The following PCNX4 variants were observed in gnomAD, a reference collection of about 807,000 sequenced individuals.
The protein encoded by PCNX4 is pecanex-like protein 4.
Under a neutral mutation model 107.2 loss-of-function variants are expected in PCNX4, and 103 were observed. The observed-to-expected ratio is 0.96, with a 90% CI of 0.82 to 1.13. The LOEUF (loss-of-function observed/expected upper bound fraction) is 1.13. PCNX4 is among the 50% of genes most tolerant of loss of function. The pLI, the probability that PCNX4 is intolerant of heterozygous loss-of-function variation, is 0.00. For missense variants in PCNX4, 1,528 were observed against 1,379.4 expected, an observed-to-expected ratio of 1.11 and a Z score of -1.71; for synonymous variants, 541 against 481.7, an observed-to-expected ratio of 1.12 and a Z score of -1.61.
intron 6 of PCNX4, among the ~76,000 whole-genome samples, chr14:60,116,709 A>C (rs2140551309): frequency 6.6e-6 from 1 of 152,308 alleles, no homozygotes; most frequent in East Asian, 1.9e-4. Context: ...TTAAAAAAAA[A>C]GTTGACTGTA....
rs1325157629 is a variant in PCNX4, at chr14:60,138,721, G to A, written c.*4500G>A. The A allele has an allele frequency of 6.6e-6, 1 of 151,942 alleles. No homozygotes were observed. Among genetic ancestry groups the A allele is most frequent in the Non-Finnish European group, 1.5e-5 (1 of 67,984 alleles). 9.4% of individuals were successfully genotyped at this position (151,942 alleles called of 1,614,324 possible). A position where few individuals can be genotyped will look rare whatever the true frequency, so the allele number is the denominator to read the frequency against. ...ATTGTCATTAAAGGTGATAGTAAAGGGTATTCTTCAGACAGAAGGAAAAAG... is the reference window on the plus strand; with the variant it reads ...ATTGTCATTAAAGGTGATAGTAAAGAGTATTCTTCAGACAGAAGGAAAAAG... On this transcript the variant is annotated 3_prime_UTR_variant, in exon 11 of 11. Transcript: ENST00000406854.
chr14:60,116,262 A>G (rs1280873357), intron 6 of PCNX4, among the ~76,000 whole-genome samples: 2 of 152,170 alleles, frequency 1.3e-5, no homozygotes, highest in African/African-American at 4.8e-5. Context: ...CCCAGCAGCT[A>G]CTAATCTACT....
intron 1 of PCNX4, among the ~76,000 whole-genome samples, chr14:60,101,385 A>G (rs1257308212): frequency 2.0e-5 from 3 of 152,140 alleles, no homozygotes. Context: ...GGCTTTTTTC[A>G]TCAACAATTT....
chr14:60,147,152 G>C lies in PCNX4; in HGVS notation c.*12931G>C, dbSNP rs1343525629. On this transcript the variant is annotated 3_prime_UTR_variant, in exon 11 of 11. Coordinates refer to ENST00000406854, the MANE Select transcript of PCNX4 (RefSeq NM_001330177.2). ...GGAGGCTGGGGTGGGAGGATTGCTT[G>C]AGCCTGGGAGGTAGAGATGGGAGTG... 2 of 152,166 alleles carry C rather than the reference G, an allele frequency of 1.3e-5. No individual in the cohort carries two copies. Among genetic ancestry groups the C allele is most frequent in the Non-Finnish European group, 2.9e-5 (2 of 68,064 alleles). 9.4% of individuals were successfully genotyped at this position (152,166 alleles called of 1,614,324 possible).
At chr14:60,104,345 A>G (rs1344124770) in intron 1 of PCNX4, among the ~76,000 whole-genome samples, 2 of 150,892 alleles carry the variant, frequency 1.3e-5, no homozygotes, top group African/African-American at 2.4e-5. Flanking sequence ...AAAAAAAAAA[A>G]AAGAGCTAAA....
intron 10 of PCNX4, among the ~76,000 whole-genome samples, chr14:60,128,763 T>C (rs943392771): frequency 6.6e-5 from 10 of 152,226 alleles, no homozygotes; most frequent in Non-Finnish European, 1.3e-4. Flanking sequence ...ATTCATGTAT[T>C]GTTGGGTCTA....
chr14:60,116,832 A>G (rs551121379), intron 6 of PCNX4, among the ~76,000 whole-genome samples: 2 of 152,276 alleles, frequency 1.3e-5, no homozygotes, highest in Admixed American at 1.3e-4. Context: ...GTGGAACAAG[A>G]TGTGAAGGTG....
At position 60,121,180 on chromosome 14, in the gene PCNX4, T is replaced by TTTGTAATTTTTTG; in HGVS notation, c.1943-15_1943-14insTGTAATTTTTTGT. 6.5e-7 allele frequency: 1 copy of TTTGTAATTTTTTG among 1,544,392 alleles called. No individual in the cohort carries two copies. Among genetic ancestry groups the TTTGTAATTTTTTG allele is most frequent in the Non-Finnish European group, 8.7e-7 (1 of 1,153,632 alleles). On this transcript the variant is annotated splice_polypyrimidine_tract_variant and intron_variant, in intron 7 of 10. Transcript: ENST00000406854. ...GATTTTCTTTTTTTTTTTTTTTTTT[T>TTTGTAATTTTTTG]TCTAATTTGTTGTAGGTCTCCTCCT...
chr14:60,136,139 A>G lies in PCNX4; in HGVS notation c.*1918A>G, dbSNP rs1192277890. The G allele has an allele frequency of 1.3e-5, 2 of 151,920 alleles. No homozygotes were observed. Among genetic ancestry groups the G allele is most frequent in the African/African-American group, 4.8e-5 (2 of 41,348 alleles). The allele number at this position is 151,920 out of a possible 1,614,324, so 9.4% of individuals were successfully genotyped here. On this transcript the variant is annotated 3_prime_UTR_variant, in exon 11 of 11. Coordinates refer to ENST00000406854, the MANE Select transcript of PCNX4 (RefSeq NM_001330177.2). ...AAAAAAAGTTTTTATTAAGGTCACT[A>G]TTGACCTTTTTATTGTCAAACCAGC...
intron 1 of PCNX4, among the ~76,000 whole-genome samples, chr14:60,095,247 A>G (rs1895401508): frequency 6.6e-6 from 1 of 152,172 alleles, no homozygotes; most frequent in Non-Finnish European, 1.5e-5. Context: ...GTGAATCTGC[A>G]TTTTTTACAT....
rs1259098725 is a variant in PCNX4 at position 60,138,228 on chromosome 14, A to G, written c.*4007A>G. 1 of 152,196 alleles carries G rather than the reference A, an allele frequency of 6.6e-6. No individual in the cohort carries two copies. Among genetic ancestry groups the G allele is most frequent in the Non-Finnish European group, 1.5e-5 (1 of 68,032 alleles). The allele number at this position is 152,196 out of a possible 1,614,324, so 9.4% of individuals were successfully genotyped here. On this transcript the variant is annotated 3_prime_UTR_variant, in exon 11 of 11. Coordinates refer to ENST00000406854, the MANE Select transcript of PCNX4 (RefSeq NM_001330177.2). ...AAAACTAAGAGACAAAAGAATAGAAAATATAGTAGAGAGTATAAGAGACAT... is the reference window on the plus strand; with the variant it reads ...AAAACTAAGAGACAAAAGAATAGAAGATATAGTAGAGAGTATAAGAGACAT...
In PCNX4 at chr14:60,134,246, C is replaced by G. The variant is rs755959596; in HGVS notation, c.*25C>G. The G allele has an allele frequency of 6.9e-6, 11 of 1,603,498 alleles. No homozygotes were observed. In the Middle Eastern group the frequency reaches 8.3e-4, roughly 121 times the overall value. On this transcript the variant is annotated 3_prime_UTR_variant, in exon 11 of 11. Coordinates refer to ENST00000406854, the MANE Select transcript of PCNX4 (RefSeq NM_001330177.2). The stretch of plus-strand genomic sequence containing the variant: ...GAGCTCATTTTGACTGTAATGTCAT[C>G]AAATGCAATGTTTTTATTTTTTCAT...
At chr14:60,096,668 C>T (rs563660960) in intron 1 of PCNX4, among the ~76,000 whole-genome samples, 7 of 152,300 alleles carry the variant, frequency 4.6e-5, no homozygotes, top group African/African-American at 1.7e-4. Flanking sequence ...GGGTGGCAAG[C>T]CATTCAGTGT....
chr14:60,108,505 G>T, intron 2 of PCNX4, 178 bp downstream of exon 2: 1 of 486,148 alleles, frequency 2.1e-6, no homozygotes, highest in Admixed American at 3.9e-5. Flanking sequence ...ACATACTAAA[G>T]CAATAGTTAA....
rs538048151 is a variant in PCNX4, at chr14:60,147,642, A to G, written c.*13421A>G. 3.9e-5 allele frequency: 6 copies of G among 152,338 alleles called. No homozygotes were observed. Among genetic ancestry groups the G allele is most frequent in the Admixed American group, 6.5e-5 (1 of 15,294 alleles). The allele number at this position is 152,338 out of a possible 1,614,324, so 9.4% of individuals were successfully genotyped here. On this transcript the variant is annotated 3_prime_UTR_variant, in exon 11 of 11. Transcript: ENST00000406854. Reference sequence around the variant, plus strand: ...CCAAGTTGTGTTTTAAGTGCTTTTCATATATTAAATTCATGTAATTCCCAT... The same window carrying G: ...CCAAGTTGTGTTTTAAGTGCTTTTCGTATATTAAATTCATGTAATTCCCAT...
rs167437 is a variant in PCNX4 at position 60,125,169 on chromosome 14, G to A, written c.2998G>A (p.Gly1000Ser). Residue 1000 changes from glycine to serine, a missense_variant, in exon 9 of 11, where the codon GGT (glycine) becomes AGT (serine). Gly to Ser is a moderately conservative substitution (Grantham distance 56, BLOSUM62 0). Transcript: ENST00000406854. ...TCCTGGTCATATATTGAGAGTTTAC[G>A]GTGGTGTTTTGCCTTGGTCTGTTGC... The part of the protein sequence containing the change: ...PSPGHILRVY[G>S]GVLPWSVALD... 0.17 allele frequency: 268,047 copies of A among 1,611,106 alleles called. 31,573 individuals carry two copies. Among genetic ancestry groups the A allele is most frequent in the African/African-American group, 0.54 (40,622 of 74,866 alleles).
At position 60,115,992 on chromosome 14, in the gene PCNX4, G is replaced by A. The variant is rs746596759; in HGVS notation, c.1510G>A (p.Val504Ile). The change falls in exon 6 of 11, where the codon GTA becomes ATA. Residue 504 changes from valine (V) to isoleucine (I), a missense_variant. Physicochemically the swap from Val to Ile is conservative, Grantham distance 29 (BLOSUM62 3). Transcript: ENST00000406854. ...ALLETVIVST[V>I]HLISSTDIWW... Reference sequence around the variant, plus strand: ...ATTGGAGACAGTCATTGTATCAACAGTACACTTGATCTCCAGTACAGACAT... The same window carrying A: ...ATTGGAGACAGTCATTGTATCAACAATACACTTGATCTCCAGTACAGACAT... 5.0e-6 allele frequency: 8 copies of A among 1,612,706 alleles called. No homozygotes were observed. In the South Asian group the frequency reaches 8.8e-5, roughly 18 times the overall value.
rs529107947 is a variant in PCNX4, at chr14:60,126,021, A to G, written c.3267+198A>G. 6.0e-5 allele frequency: 23 copies of G among 386,340 alleles called. No homozygotes were observed. The South Asian group carries it at 1.1e-3, about 18-fold the overall frequency. 23.9% of individuals were successfully genotyped at this position (386,340 alleles called of 1,614,324 possible). ...ATAGCTGATTTCTCTACTTTTGCCA[A>G]CTGAAGAGGAGCCAATTAAAAATGT... On this transcript the variant is annotated intron_variant, in intron 10 of 10. Coordinates refer to ENST00000406854, the MANE Select transcript of PCNX4 (RefSeq NM_001330177.2).
At position 60,118,678 on chromosome 14, in the gene PCNX4, C is replaced by A; in HGVS notation, c.1928C>A (p.Ala643Glu). The A allele has an allele frequency of 6.4e-7, 1 of 1,572,722 alleles. No individual in the cohort carries two copies. Among genetic ancestry groups the A allele is most frequent in the Non-Finnish European group, 8.7e-7 (1 of 1,154,754 alleles). The change falls in exon 7 of 11, where the codon GCA becomes GAA. Residue 643 changes from alanine (A) to glutamate (E), a missense_variant. Coordinates refer to ENST00000406854, the MANE Select transcript of PCNX4 (RefSeq NM_001330177.2). Reference sequence around the variant, plus strand: ...ACTGCTGTACTGCAGACTGCAATGGCAGCTGGAAGTTTAGGTAAGTAAATG... The same window carrying A: ...ACTGCTGTACTGCAGACTGCAATGGAAGCTGGAAGTTTAGGTAAGTAAATG... Reference protein sequence around the residue: ...RLTAVLQTAMAAGSLGLLLPG... With the variant: ...RLTAVLQTAMEAGSLGLLLPG...
Sources: gnomAD v4.1 joint callset for allele counts (sites outside exome capture counted in the v4.1 genomes callset) on GRCh38, gnomAD v4.1.1 for gene constraint, MANE v1.5 for transcripts, NCBI Gene and HGNC (gene_info 2026-07-23, HGNC 2026-07-21) for gene names.